Variants in SORCS1 observed in about 807,000 individuals in gnomAD.
SORCS1 encodes sortilin related VPS10 domain containing receptor 1.
A neutral mutation model predicts 146.1 loss-of-function variants in SORCS1; 60 were observed. The ratio of observed to expected loss-of-function variants is 0.41; its 90% CI spans 0.33 to 0.51. The LOEUF (loss-of-function observed/expected upper bound fraction) is 0.51, where lower values mean the gene tolerates loss of function less well. Among genes scored for constraint, SORCS1 ranks in the 20% least tolerant of loss-of-function variants. The pLI is 0.21. For missense variants in SORCS1, 1,352 were observed against 1,487.6 expected, an observed-to-expected ratio of 0.91 and a Z score of 1.50; for synonymous variants, 637 against 584.0, an observed-to-expected ratio of 1.09 and a Z score of -1.31.
chr10:107,163,166 A>G (rs548391709), intron 1 of SORCS1, among the ~76,000 whole-genome samples: 1 of 152,328 alleles, frequency 6.6e-6, no homozygotes, highest in East Asian at 1.9e-4. Flanking sequence ...GAATTGAGCA[A>G]TCCCTTTCCT....
intron 3 of SORCS1, among the ~76,000 whole-genome samples, chr10:106,798,241 C>T (rs897767231): frequency 6.6e-6 from 1 of 152,178 alleles, no homozygotes; most frequent in African/African-American, 2.4e-5. Flanking sequence ...CTCCCCAGCC[C>T]CGTGCAACTT....
At chr10:106,962,446 A>ACATATCTC (rs1955278465) in intron 1 of SORCS1, among the ~76,000 whole-genome samples, 2 of 150,714 alleles carry the variant, frequency 1.3e-5, no homozygotes, top group Admixed American at 1.3e-4. Context: ...GAAAATGGGG[A>ACATATCTC]CATATCTCTT....
chr10:106,934,554 C>T (rs564826665), intron 2 of SORCS1, among the ~76,000 whole-genome samples: 24 of 152,236 alleles, frequency 1.6e-4, no homozygotes, highest in South Asian at 4.1e-4. Context: ...CCACTGCACC[C>T]GGCCAGTATG....
chr10:107,016,859 C>T (rs556055673), intron 1 of SORCS1, among the ~76,000 whole-genome samples: 17 of 152,098 alleles, frequency 1.1e-4, no homozygotes, highest in East Asian at 1.9e-4. Flanking sequence ...AAAAAGAGGG[C>T]GAACACAAGA....
At chr10:106,745,400 GACA>G (rs1170875513) in intron 5 of SORCS1, among the ~76,000 whole-genome samples, 3 of 144,702 alleles carry the variant, frequency 2.1e-5, no homozygotes, top group Admixed American at 7.1e-5. Flanking sequence ...GACAGAGTGA[GACA>G]ACGTCTAAAA....
At chr10:106,810,143 C>G (rs750808797) in intron 3 of SORCS1, among the ~76,000 whole-genome samples, 2 of 152,118 alleles carry the variant, frequency 1.3e-5, no homozygotes, top group South Asian at 4.1e-4. Flanking sequence ...ATCACTTGAA[C>G]CTGGGAGGCA....
At chr10:107,046,148 C>T (rs570458916) in intron 1 of SORCS1, among the ~76,000 whole-genome samples, 18 of 152,120 alleles carry the variant, frequency 1.2e-4, no homozygotes, top group Admixed American at 5.9e-4. Context: ...GGTTTCACCA[C>T]GTTGGCCAGA....
rs575368535 is a variant in SORCS1, at chr10:107,149,814, T to A, written c.558+14155A>T. ...AGACATTGAGACAATGAAGAAAGTG[T>A]TCAACCAGTCACAGCTTGGTGATTG... On this transcript the variant is annotated intron_variant, in intron 1 of 25. Transcript: ENST00000263054. Among the ~76,000 whole-genome samples the A allele has an allele frequency of 1.1e-3, 169 of 152,292 alleles. 2 individuals are homozygous for A. Among genetic ancestry groups the A allele is most frequent in the Non-Finnish European group, 1.7e-3 (113 of 68,026 alleles).
chr10:107,146,267 TAGATAC>T (rs1968316519), intron 1 of SORCS1, among the ~76,000 whole-genome samples: 1 of 152,226 alleles, frequency 6.6e-6, no homozygotes, highest in African/African-American at 2.4e-5. Flanking sequence ...TTTGTCTCTT[TAGATAC>T]AGATTTCTGT....
Position 106,606,272 on chromosome 10 carries a change from T to TAC in SORCS1, c.3165+893_3165+894insGT, listed in dbSNP as rs1278722607. ...AGAATCACACAAATACACACACAGA[T>TAC]ATACACACACACACACACACACACA... On this transcript the variant is annotated intron_variant, in intron 23 of 25. Coordinates refer to ENST00000263054, the MANE Select transcript of SORCS1 (RefSeq NM_052918.5). Among the ~76,000 whole-genome samples, 199 of 107,840 alleles carry TAC rather than the reference T, an allele frequency of 1.8e-3. 2 individuals carry two copies. The highest frequency in any genetic ancestry group is 9.1e-3 in the South Asian group (30 of 3,312). 70.7% of individuals were successfully genotyped at this position (107,840 alleles called of 152,430 possible).
At chr10:106,826,044 T>C (rs1948289767) in intron 3 of SORCS1, among the ~76,000 whole-genome samples, 1 of 152,224 alleles carries the variant, frequency 6.6e-6, no homozygotes, top group African/African-American at 2.4e-5. Context: ...ATCATTAATT[T>C]AAACTGTAAA....
At chr10:107,133,154 T>G (rs1203728827) in intron 1 of SORCS1, among the ~76,000 whole-genome samples, 1 of 152,180 alleles carries the variant, frequency 6.6e-6, no homozygotes, top group Non-Finnish European at 1.5e-5. Flanking sequence ...AATTTTGAAC[T>G]ACAGGAATAA....
chr10:106,841,680 C>T (rs1949049812), intron 2 of SORCS1, among the ~76,000 whole-genome samples: 1 of 152,300 alleles, frequency 6.6e-6, no homozygotes, highest in African/African-American at 2.4e-5. Flanking sequence ...TGAAATCATA[C>T]AGCATCTAGC....
chr10:106,994,081 A>G (rs1294026191), intron 1 of SORCS1, among the ~76,000 whole-genome samples: 2 of 150,416 alleles, frequency 1.3e-5, no homozygotes, highest in Non-Finnish European at 1.5e-5. Flanking sequence ...AAAAAAAAAA[A>G]AAAAAAGAAA....
intron 5 of SORCS1, among the ~76,000 whole-genome samples, chr10:106,751,591 A>G (rs1858243976): frequency 1.3e-5 from 2 of 152,210 alleles, no homozygotes; most frequent in African/African-American, 4.8e-5. Flanking sequence ...AGGAGTTAAT[A>G]AATAGCCTAG....
At chr10:107,015,536 G>A (rs554182159) in intron 1 of SORCS1, among the ~76,000 whole-genome samples, 37 of 152,304 alleles carry the variant, frequency 2.4e-4, no homozygotes, top group African/African-American at 8.9e-4. Flanking sequence ...GTCTTGGAGA[G>A]TGACAGTTCT....
chr10:106,595,751 T>G (rs1288050167), intron 24 of SORCS1, among the ~76,000 whole-genome samples: 1 of 152,158 alleles, frequency 6.6e-6, no homozygotes, highest in Non-Finnish European at 1.5e-5. Context: ...TTACTCAGCA[T>G]CCCCAAAGCC....
chr10:106,834,045 G>A (rs1315015460), intron 2 of SORCS1, among the ~76,000 whole-genome samples: 2 of 152,188 alleles, frequency 1.3e-5, no homozygotes, highest in East Asian at 1.9e-4. Flanking sequence ...CACCCACCTC[G>A]GCCTCCCAAA....
chr10:106,725,896 A>C (rs944334426), intron 6 of SORCS1, among the ~76,000 whole-genome samples: 1 of 148,898 alleles, frequency 6.7e-6, no homozygotes, highest in Non-Finnish European at 1.5e-5. Flanking sequence ...GTGCCAGTGC[A>C]CTCCAGACTG....
Sources: allele counts gnomAD v4.1 joint callset (sites outside exome capture counted in the v4.1 genomes callset), GRCh38; gene constraint gnomAD v4.1.1; transcripts MANE v1.5; gene names NCBI Gene and HGNC (gene_info 2026-07-23, HGNC 2026-07-21).